NF1: variants seen among roughly 807,000 people sequenced by gnomAD.
The protein encoded by NF1 is neurofibromin.
Under a neutral mutation model 325.7 loss-of-function variants are expected in NF1, and 122 were observed. That is an observed-to-expected ratio of 0.37 (90% CI 0.32 to 0.44). The LOEUF is 0.44. NF1 is among the 20% of genes least tolerant of loss of function. The probability of loss-of-function intolerance (pLI) is 1.00; values close to 1 mark genes in which losing one functional copy is unlikely to be tolerated. For synonymous variants in NF1, 1,091 were observed against 1,186.0 expected, an observed-to-expected ratio of 0.92 and a Z score of 1.65; for missense variants, 2,140 against 3,415.4, an observed-to-expected ratio of 0.63 and a Z score of 9.31.
At chr17:31,172,517 C>T (rs1240076758) in intron 5 of NF1, among the ~76,000 whole-genome samples, 4 of 152,064 alleles carry the variant, frequency 2.6e-5, no homozygotes, top group African/African-American at 9.7e-5. Context: ...CAGTCTGCAC[C>T]GGGCCTTGCG....
At chr17:31,304,180 G>T in intron 36 of NF1, 1 of 1,336,426 alleles carries the variant, frequency 7.5e-7, no homozygotes, top group Non-Finnish European at 1.0e-6. Flanking sequence ...TTGACTATCA[G>T]TTGCCATTTT....
intron 36 of NF1, among the ~76,000 whole-genome samples, chr17:31,293,184 A>AAAAAAAAC (rs2068382522): frequency 6.7e-5 from 3 of 44,522 alleles, no homozygotes. Context: ...GTCTCAAAAA[A>AAAAAAAAC]AAAAAAAAAA....
rs373313111 is a variant in NF1 at position 31,327,588 on chromosome 17, G to A, written c.5358G>A (p.Ser1786=). The change falls in exon 38 of 58, where the codon TCG becomes TCA. Residue 1786 remains serine (S), a synonymous_variant. Coordinates refer to ENST00000358273, the MANE Select transcript of NF1 (RefSeq NM_001042492.3). The stretch of plus-strand genomic sequence containing the variant: ...TTCTAAATGACATTTATTATGCTTC[G>A]GAAATTGAAGAAATCTGCCTAGTAG... ...SVFLNDIYYA[S]EIEEICLVDE... 5 of 1,613,994 alleles carry A rather than the reference G, an allele frequency of 3.1e-6. No individual in the cohort carries two copies. The highest frequency in any genetic ancestry group is 4.2e-6 in the Non-Finnish European group (5 of 1,180,028).
At chr17:31,232,414 A>G (rs1324971955) in intron 25 of NF1, among the ~76,000 whole-genome samples, 1 of 152,150 alleles carries the variant, frequency 6.6e-6, no homozygotes, top group Non-Finnish European at 1.5e-5. Flanking sequence ...AGCTGTTTGG[A>G]CCACTAATTT....
intron 8 of NF1, among the ~76,000 whole-genome samples, chr17:31,187,902 A>G (rs571817325): frequency 9.2e-5 from 14 of 152,312 alleles, no homozygotes; most frequent in African/African-American, 3.4e-4. Context: ...TTAAGTCAAC[A>G]GGCTAAGAAG....
rs549707263 is a variant in NF1, at chr17:31,140,429, T to C, written c.61-15554T>C. Among the ~76,000 whole-genome samples the C allele has an allele frequency of 5.3e-5, 8 of 152,368 alleles. No individual in the cohort carries two copies. The East Asian group carries it at 1.5e-3, about 29-fold the overall frequency. Reference sequence around the variant, plus strand: ...GTAGTTGTTTATAGCAATACTGTTATCTTGGATGATCAAATAGAAGATCCC... The same window carrying C: ...GTAGTTGTTTATAGCAATACTGTTACCTTGGATGATCAAATAGAAGATCCC... On this transcript the variant is annotated intron_variant, in intron 1 of 57. Transcript: ENST00000358273.
At chr17:31,267,093 G>T (rs2067804367) in intron 36 of NF1, among the ~76,000 whole-genome samples, 1 of 151,962 alleles carries the variant, frequency 6.6e-6, no homozygotes, top group Admixed American at 6.6e-5. Context: ...AACCATGCGT[G>T]GCTGATTTTG....
intron 36 of NF1, among the ~76,000 whole-genome samples, chr17:31,285,265 T>C (rs1597780910): frequency 8.3e-6 from 1 of 120,114 alleles, no homozygotes; most frequent in Non-Finnish European, 1.6e-5. Flanking sequence ...CAAGACAGAG[T>C]GAGATTCTGT....
At chr17:31,134,962 T>C (rs920272309) in intron 1 of NF1, among the ~76,000 whole-genome samples, 2 of 152,202 alleles carry the variant, frequency 1.3e-5, no homozygotes, top group Non-Finnish European at 2.9e-5. Context: ...AATGTAGGAA[T>C]ACTTGCAGAC....
intron 45 of NF1, 86 bp from the exon 46 acceptor site, chr17:31,338,618 G>A: frequency 1.2e-6 from 1 of 854,292 alleles, no homozygotes; most frequent in South Asian, 1.4e-5. Flanking sequence ...ATAAGTAAAT[G>A]TTCCTGAATT....
At chr17:31,258,272 T>G (rs1488213280) in intron 31 of NF1, 72 bp from the exon 32 acceptor site, 1 of 1,555,514 alleles carries the variant, frequency 6.4e-7, no homozygotes, top group Non-Finnish European at 8.9e-7. Flanking sequence ...AAGTTTGACC[T>G]TTGAACTCTT....
chr17:31,143,290 C>T (rs1384243225), intron 1 of NF1, among the ~76,000 whole-genome samples: 1 of 151,790 alleles, frequency 6.6e-6, no homozygotes, highest in South Asian at 2.1e-4. Flanking sequence ...CTCTTTGAGA[C>T]GGGTCTTGTT....
chr17:31,250,789 C>T (rs910379953), intron 30 of NF1: 1 of 188,456 alleles, frequency 5.3e-6, no homozygotes, highest in African/African-American at 2.3e-5. Context: ...GATTTTTAAA[C>T]ACTATATGTG....
intron 31 of NF1, 35 bp from the exon 32 acceptor site, chr17:31,258,309 A>G (rs2067619000): frequency 4.3e-6 from 7 of 1,612,840 alleles, no homozygotes; most frequent in Non-Finnish European, 5.1e-6. Flanking sequence ...TATTAATTCA[A>G]ACCTTATACT....
chr17:31,239,932 T>G (rs1372112913), intron 29 of NF1, among the ~76,000 whole-genome samples: 2 of 152,148 alleles, frequency 1.3e-5, no homozygotes, highest in Non-Finnish European at 2.9e-5. Context: ...CCTGGCTAAT[T>G]TTTGTATTTT....
intron 36 of NF1, among the ~76,000 whole-genome samples, chr17:31,322,129 A>ACACACACACAC (rs199689720): frequency 6.7e-6 from 1 of 148,322 alleles, no homozygotes; most frequent in East Asian, 2.0e-4. Context: ...ACACACACAC[A>ACACACACACAC]ACTGTCAAAC....
rs1299534232 is a variant in NF1, at chr17:31,375,731, T to G, written c.*1576T>G. 6 of 232,556 alleles carry G rather than the reference T, an allele frequency of 2.6e-5. No individual in the cohort carries two copies. Among genetic ancestry groups the G allele is most frequent in the Non-Finnish European group, 5.1e-5 (6 of 117,476 alleles). The allele number at this position is 232,556 out of a possible 1,614,324, so 14.4% of individuals were successfully genotyped here. A position where few individuals can be genotyped will look rare whatever the true frequency, so the allele number is the denominator to read the frequency against. ...CCACAGCTAATTCAATAAATAATGG[T>G]ACATTTAAGTGTTCTGATTTTAATA... is the stretch of plus-strand genomic sequence containing the variant. On this transcript the variant is annotated 3_prime_UTR_variant, in exon 58 of 58. Coordinates refer to ENST00000358273, the MANE Select transcript of NF1 (RefSeq NM_001042492.3).
intron 1 of NF1, among the ~76,000 whole-genome samples, chr17:31,101,091 TACTC>T (rs1275386011): frequency 6.6e-6 from 1 of 152,148 alleles, no homozygotes; most frequent in African/African-American, 2.4e-5. Flanking sequence ...TGTTGCCAGA[TACTC>T]ACCGCCTCTA....
At chr17:31,271,433 T>C (rs555266224) in intron 36 of NF1, among the ~76,000 whole-genome samples, 1 of 152,238 alleles carries the variant, frequency 6.6e-6, no homozygotes, top group East Asian at 1.9e-4. Flanking sequence ...TTTATCAGAT[T>C]AGCATTTTTT....
Sources: gnomAD v4.1 joint callset for allele counts (sites outside exome capture counted in the v4.1 genomes callset) on GRCh38, gnomAD v4.1.1 for gene constraint, MANE v1.5 for transcripts, NCBI Gene and HGNC (gene_info 2026-07-23, HGNC 2026-07-21) for gene names.